Variants in EBF1 observed in about 807,000 individuals in gnomAD.
EBF1 encodes EBF transcription factor 1, also known as transcription factor COE1.
In EBF1, 10 loss-of-function variants were observed where a neutral mutation model predicts 68.4. The ratio of observed to expected loss-of-function variants is 0.15; its 90% CI spans 0.09 to 0.25. The LOEUF (loss-of-function observed/expected upper bound fraction) is 0.25. Ranked by LOEUF, EBF1 falls within the 10% of genes least tolerant of loss-of-function variation. EBF1 has a pLI of 1.00. For missense variants in EBF1, 509 were observed against 794.4 expected (o/e 0.64, Z 4.32); for synonymous variants, 298 against 299.8 (o/e 0.99, Z 0.06).
chr5:159,090,807 G>GTAATAATAA (rs138049191), intron 4 of EBF1, among the ~76,000 whole-genome samples: 38,834 of 149,046 alleles, frequency 0.26, 5,345 homozygotes, highest in Non-Finnish European at 0.3. Flanking sequence ...ACCCAATGGG[G>GTAATAATAA]TAATAATAAT....
intron 11 of EBF1, among the ~76,000 whole-genome samples, chr5:158,727,704 G>A (rs773428819): frequency 1.1e-4 from 16 of 152,160 alleles, no homozygotes; most frequent in Non-Finnish European, 2.2e-4. Flanking sequence ...GACTTTCAGG[G>A]ACAAAATAAT....
chr5:158,787,733 T>C (rs903456534), intron 9 of EBF1, among the ~76,000 whole-genome samples: 1 of 152,176 alleles, frequency 6.6e-6, no homozygotes, highest in African/African-American at 2.4e-5. Context: ...TGTTATCTGA[T>C]AGTTTATTAC....
chr5:158,929,935 T>C (rs1343513451), intron 6 of EBF1, among the ~76,000 whole-genome samples: 1 of 152,248 alleles, frequency 6.6e-6, no homozygotes, highest in African/African-American at 2.4e-5. Context: ...CAATTCCCTC[T>C]GTGTTTTTGC....
At chr5:158,952,678 G>C (rs557607049) in intron 6 of EBF1, among the ~76,000 whole-genome samples, 14 of 152,234 alleles carry the variant, frequency 9.2e-5, no homozygotes, top group South Asian at 2.1e-4. Context: ...TATTTGAAGG[G>C]AACAGCAATA....
chr5:158,796,621 AT>A (rs1779656632), intron 8 of EBF1, 146 bp from the exon 9 acceptor site: 1 of 982,308 alleles, frequency 1.0e-6, no homozygotes, highest in South Asian at 2.7e-5. Flanking sequence ...TCCCAGCCAC[AT>A]TAGGACCTGA....
At position 158,794,948 on chromosome 5, in the gene EBF1, G is replaced by A. The variant is rs941297954; in HGVS notation, c.909+1397C>T. On this transcript the variant is annotated intron_variant, in intron 9 of 15. Transcript: ENST00000313708. Reference sequence around the variant, plus strand: ...TGCCTAAAAATTAGTTGAGTGGGCTGGGAAGCTCATCTCTGATTTGGCTTT... The same window carrying A: ...TGCCTAAAAATTAGTTGAGTGGGCTAGGAAGCTCATCTCTGATTTGGCTTT... Among the ~76,000 whole-genome samples, 6 of 152,154 alleles carry A rather than the reference G, an allele frequency of 3.9e-5. No individual in the cohort carries two copies. The East Asian group carries it at 9.6e-4, about 24-fold the overall frequency.
intron 6 of EBF1, among the ~76,000 whole-genome samples, chr5:158,877,959 T>C (rs1798108450): frequency 6.6e-6 from 1 of 151,812 alleles, no homozygotes. Flanking sequence ...TGAGTCACAA[T>C]GGAAAATAAC....
At chr5:158,778,260 G>A (rs1407953571) in intron 9 of EBF1, among the ~76,000 whole-genome samples, 1 of 152,070 alleles carries the variant, frequency 6.6e-6, no homozygotes, top group East Asian at 1.9e-4. Context: ...AATTTATTTT[G>A]TATTACTCTT....
At chr5:158,992,925 T>TC (rs1561733584) in intron 6 of EBF1, among the ~76,000 whole-genome samples, 6 of 128,820 alleles carry the variant, frequency 4.7e-5, no homozygotes, top group Admixed American at 1.6e-4. Context: ...TTCTTTTTTT[T>TC]TTTTTTTTTT....
chr5:159,031,293 T>C (rs1584098876), intron 6 of EBF1, among the ~76,000 whole-genome samples: 1 of 152,214 alleles, frequency 6.6e-6, no homozygotes, highest in African/African-American at 2.4e-5. Context: ...GATCACCAAC[T>C]AGAAAGGGAT....
chr5:159,035,103 G>A (rs1385692555), intron 6 of EBF1, among the ~76,000 whole-genome samples: 2 of 152,022 alleles, frequency 1.3e-5, no homozygotes, highest in Non-Finnish European at 2.9e-5. Context: ...GAAGCCATCA[G>A]AAACAGGGGG....
At chr5:158,768,124 T>C (rs1481825048) in intron 10 of EBF1, among the ~76,000 whole-genome samples, 4 of 152,052 alleles carry the variant, frequency 2.6e-5, no homozygotes, top group African/African-American at 4.8e-5. Flanking sequence ...ACCCACTCAT[T>C]TGGGGATGGC....
intron 4 of EBF1, among the ~76,000 whole-genome samples, chr5:159,093,075 T>A (rs1392570402): frequency 6.6e-6 from 1 of 152,224 alleles, no homozygotes; most frequent in Non-Finnish European, 1.5e-5. Context: ...TCATTAAGGC[T>A]AAATATCAAT....
chr5:158,980,288 C>G (rs17643640), intron 6 of EBF1, among the ~76,000 whole-genome samples: 35,466 of 152,132 alleles, frequency 0.23, 4,500 homozygotes, highest in Non-Finnish European at 0.27. Context: ...GAGACTTCTC[C>G]AGCTTTGTTG....
intron 6 of EBF1, among the ~76,000 whole-genome samples, chr5:158,875,048 C>A (rs958541592): frequency 3.0e-5 from 3 of 101,596 alleles, no homozygotes; most frequent in Non-Finnish European, 6.0e-5. Flanking sequence ...CAAGCACACA[C>A]ACACACATAC....
chr5:158,873,629 A>C (rs1331229846), intron 6 of EBF1, among the ~76,000 whole-genome samples: 1 of 152,216 alleles, frequency 6.6e-6, no homozygotes, highest in East Asian at 1.9e-4. Flanking sequence ...CAAAATTTTA[A>C]AAATTTACTA....
Position 158,696,944 on chromosome 5 carries a change from G to A in EBF1, c.*2167C>T, listed in dbSNP as rs1280731290. ...CTTTTTCTTTTTTCTTAGAATGTTA[G>A]TGATGACTGACAGTTCTGGTGCACA... On this transcript the variant is annotated 3_prime_UTR_variant, in exon 16 of 16. Coordinates refer to ENST00000313708, the MANE Select transcript of EBF1 (RefSeq NM_024007.5). 1 of 181,374 alleles carries A rather than the reference G, an allele frequency of 5.5e-6. No individual in the cohort carries two copies. The allele number at this position is 181,374 out of a possible 1,614,324, so 11.2% of individuals were successfully genotyped here.
chr5:158,830,297 G>T (rs1787232038), intron 7 of EBF1, among the ~76,000 whole-genome samples: 1 of 151,866 alleles, frequency 6.6e-6, no homozygotes. Context: ...TTTTGAGATG[G>T]AGTCTTGCTC....
chr5:159,007,575 G>A (rs1763811334), intron 6 of EBF1, among the ~76,000 whole-genome samples: 1 of 152,064 alleles, frequency 6.6e-6, no homozygotes, highest in Non-Finnish European at 1.5e-5. Context: ...GAAAAAGTGA[G>A]GAATGTGCTT....
Sources: allele counts gnomAD v4.1 joint callset (sites outside exome capture counted in the v4.1 genomes callset), GRCh38; gene constraint gnomAD v4.1.1; transcripts MANE v1.5; gene names NCBI Gene and HGNC (gene_info 2026-07-23, HGNC 2026-07-21).